SLC19A1: variants seen among roughly 807,000 people sequenced by gnomAD.
SLC19A1 encodes solute carrier family 19 member 1.
A neutral mutation model predicts 35.3 loss-of-function variants in SLC19A1; 37 were observed. The ratio of observed to expected loss-of-function variants is 1.05; its 90% CI spans 0.81 to 1.38. The LOEUF (loss-of-function observed/expected upper bound fraction) is 1.38. Ranked by LOEUF, SLC19A1 falls within the 40% of genes most tolerant of loss-of-function variation. SLC19A1 has a pLI of 0.00. For synonymous variants in SLC19A1, 460 were observed against 398.5 expected, an observed-to-expected ratio of 1.15 and a Z score of -1.84; for missense variants, 831 against 826.9, an observed-to-expected ratio of 1.00 and a Z score of -0.06.
At chr21:45,555,225 G>GCA (rs1190288934) in intron 1 of SLC19A1, among the ~76,000 whole-genome samples, 2 of 16,132 alleles carry the variant, frequency 1.2e-4, no homozygotes, top group East Asian at 3.3e-3. Flanking sequence ...GGGGGGCGCC[G>GCA]GGGGGCGGCG....
chr21:45,531,311 G>C (rs1378964766), intron 3 of SLC19A1, 78 bp downstream of exon 3: 8 of 1,513,586 alleles, frequency 5.3e-6, no homozygotes, highest in Non-Finnish European at 7.1e-6. Flanking sequence ...GAGCCTCCGG[G>C]GGAAGGATCC....
intron 1 of SLC19A1, among the ~76,000 whole-genome samples, chr21:45,557,898 G>T (rs777698720): frequency 3.9e-5 from 6 of 152,226 alleles, no homozygotes; most frequent in Non-Finnish European, 7.3e-5. Flanking sequence ...GCCCAGTGGC[G>T]TGGGGAGTGA....
Position 45,540,274 on chromosome 21 carries a change from G to A in SLC19A1, c.-50+2094C>T, listed in dbSNP as rs1191753672. On this transcript the variant is annotated intron_variant, in intron 1 of 5. Transcript: ENST00000311124. The surrounding 1 kb of genome is among the most constrained non-coding windows in gnomAD (Gnocchi z 5.5). The stretch of plus-strand genomic sequence containing the variant: ...GTCAGCAGGTTTAGACAGGCGCACC[G>A]ATCCCCAGACAACCAGAGCAACCAG... 2.6e-5 allele frequency among the ~76,000 whole-genome samples: 4 copies of A among 152,134 alleles called. No individual in the cohort carries two copies. The highest frequency in any genetic ancestry group is 2.1e-4 in the South Asian group (1 of 4,828).
intron 4 of SLC19A1, among the ~76,000 whole-genome samples, chr21:45,526,383 A>G (rs28413786): frequency 0.035 from 5,311 of 152,252 alleles, 317 homozygotes; most frequent in African/African-American, 0.12. Context: ...ATACCTGACA[A>G]ACATTTGCAA....
Position 45,530,261 on chromosome 21 carries a change from T to A in SLC19A1, c.1151+509A>T, listed in dbSNP as rs1260491928. 6.6e-6 allele frequency among the ~76,000 whole-genome samples: 1 copy of A among 151,504 alleles called. No individual in the cohort carries two copies. Among genetic ancestry groups the A allele is most frequent in the Non-Finnish European group, 1.5e-5 (1 of 67,908 alleles). On this transcript the variant is annotated intron_variant, in intron 4 of 5. Transcript: ENST00000311124. This position sits in a 1 kb window ranked among gnomAD's most constrained non-coding sequence, Gnocchi z 5.3. ...GTGTGGTGTGTTCATGTGCGATATA[T>A]CCATGTGTGAGTGTGGTGTGTTTGT...
Position 45,531,449 on chromosome 21 carries a change from G to A in SLC19A1, c.889C>T (p.Pro297Ser). The change falls in exon 3 of 6, where the codon CCC becomes TCC. Residue 297 changes from proline (P) to serine (S), a missense_variant. Physicochemically the swap from Pro to Ser is moderately conservative, Grantham distance 74. Transcript: ENST00000311124. The part of the protein sequence containing the change: ...YVHILWNEVD[P>S]TTNSARVYNG... Reference sequence around the variant, plus strand: ...TAGACCCGCGCACTGTTGGTGGTGGGGTCCACCTCGTTCCACAGGATGTGC... The same window carrying A: ...TAGACCCGCGCACTGTTGGTGGTGGAGTCCACCTCGTTCCACAGGATGTGC... 6.2e-7 allele frequency: 1 copy of A among 1,611,904 alleles called. No individual in the cohort carries two copies. The highest frequency in any genetic ancestry group is 8.5e-7 in the Non-Finnish European group (1 of 1,179,260).
chr21:45,536,279 T>C (rs2078109788), intron 2 of SLC19A1: 1 of 153,832 alleles, frequency 6.5e-6, no homozygotes, highest in African/African-American at 2.4e-5. Flanking sequence ...ATTTTTGCTC[T>C]AGAGACTTTT....
Position 45,514,821 on chromosome 21 carries a change from G to A in SLC19A1, c.*837C>T. ...CGCTCCTTAGACCCTGAGGCCGCTGGGACGTACTTCCCCAGCGCCCACCAC... is the reference window on the plus strand; with the variant it reads ...CGCTCCTTAGACCCTGAGGCCGCTGAGACGTACTTCCCCAGCGCCCACCAC... On this transcript the variant is annotated 3_prime_UTR_variant, in exon 6 of 6. Transcript: ENST00000311124. 1.8e-6 allele frequency: 1 copy of A among 563,460 alleles called. No homozygotes were observed. The highest frequency in any genetic ancestry group is 3.0e-6 in the Non-Finnish European group (1 of 329,094). The allele number at this position is 563,460 out of a possible 1,614,324, so 34.9% of individuals were successfully genotyped here.
rs565937313 is a variant in SLC19A1, at chr21:45,534,491, C to T, written c.190-2343G>A. The T allele has an allele frequency of 2.1e-5, 30 of 1,401,338 alleles. No homozygotes were observed. Among genetic ancestry groups the T allele is most frequent in the Admixed American group, 3.9e-5 (2 of 50,768 alleles). 86.8% of individuals were successfully genotyped at this position (1,401,338 alleles called of 1,614,324 possible). On this transcript the variant is annotated intron_variant, in intron 2 of 5. Coordinates refer to ENST00000311124, the MANE Select transcript of SLC19A1 (RefSeq NM_194255.4). This position sits in a 1 kb window ranked among gnomAD's most constrained non-coding sequence, Gnocchi z 4.2. ...GCAGAGAGGCTCTCCCCAGACCCCACGGCTCTCTGGAAAAGGGCGGCCAGG... is the reference window on the plus strand; with the variant it reads ...GCAGAGAGGCTCTCCCCAGACCCCATGGCTCTCTGGAAAAGGGCGGCCAGG...
intron 1 of SLC19A1, among the ~76,000 whole-genome samples, chr21:45,559,555 C>T (rs1480440341): frequency 6.6e-6 from 1 of 152,104 alleles, no homozygotes; most frequent in South Asian, 2.1e-4. Flanking sequence ...TATTGAGGCC[C>T]CTGCAGGTAC....
chr21:45,530,070 TGTG>T lies in SLC19A1; in HGVS notation c.1151+697_1151+699del, dbSNP rs1351441480. Reference sequence around the variant, plus strand: ...TGTAGTGGGTGTCCATCTGTGAGCATGTGGTGTGTGTTCGTGTGTGGTGTGTCT... The same window carrying T: ...TGTAGTGGGTGTCCATCTGTGAGCATGTGTGTGTTCGTGTGTGGTGTGTCT... On this transcript the variant is annotated intron_variant, in intron 4 of 5. Coordinates refer to ENST00000311124, the MANE Select transcript of SLC19A1 (RefSeq NM_194255.4). The surrounding 1 kb of genome is among the most constrained non-coding windows in gnomAD (Gnocchi z 5.3). Among the ~76,000 whole-genome samples, 16 of 147,660 alleles carry T rather than the reference TGTG, an allele frequency of 1.1e-4. No homozygotes were observed. Among genetic ancestry groups the T allele is most frequent in the African/African-American group, 3.8e-4 (15 of 39,690 alleles).
At chr21:45,505,466 C>T (rs1197460121) in intron 3 of SLC19A1, 4 of 1,154,708 alleles carry the variant, frequency 3.5e-6, no homozygotes, top group Non-Finnish European at 3.8e-6. Flanking sequence ...GCACCTGCGT[C>T]CCGTGCCCTG....
chr21:45,558,128 G>A (rs555339250), intron 1 of SLC19A1, among the ~76,000 whole-genome samples: 26 of 152,378 alleles, frequency 1.7e-4, no homozygotes, highest in Admixed American at 6.5e-4. Context: ...CCGTGCTGAC[G>A]AGAGACTGGA....
At chr21:45,543,387 G>A (rs1443570038), upstream of SLC19A1, among the ~76,000 whole-genome samples, 7 of 152,230 alleles carry the variant, frequency 4.6e-5, no homozygotes, top group African/African-American at 7.2e-5. Context: ...GAAGTCCACT[G>A]CACAGAACAG....
rs990620249 is a variant in SLC19A1, at chr21:45,534,388, G to A, written c.190-2240C>T. ...CCGACCCCCAGACACAGGAGGCTGC[G>A]TGGGGGCATGACAGCCCCAGCCCCT... On this transcript the variant is annotated intron_variant, in intron 2 of 5. Coordinates refer to ENST00000311124, the MANE Select transcript of SLC19A1 (RefSeq NM_194255.4). This position sits in a 1 kb window ranked among gnomAD's most constrained non-coding sequence, Gnocchi z 4.2. 22 of 642,640 alleles carry A rather than the reference G, an allele frequency of 3.4e-5. No individual in the cohort carries two copies. The highest frequency in any genetic ancestry group is 1.8e-4 in the African/African-American group (10 of 54,468). The allele number at this position is 642,640 out of a possible 1,614,324, so 39.8% of individuals were successfully genotyped here. A position where few individuals can be genotyped will look rare whatever the true frequency, so the allele number is the denominator to read the frequency against.
downstream of SLC19A1, among the ~76,000 whole-genome samples, chr21:45,510,551 G>A (rs1211702390): frequency 6.6e-6 from 1 of 151,966 alleles, no homozygotes; most frequent in Non-Finnish European, 1.5e-5. Context: ...AGGGTCCCAT[G>A]CTGCTGGACC....
intron 1 of SLC19A1, among the ~76,000 whole-genome samples, chr21:45,556,903 A>C (rs2078568213): frequency 6.6e-6 from 1 of 150,900 alleles, no homozygotes; most frequent in Non-Finnish European, 1.5e-5. Flanking sequence ...GGCGACTCAG[A>C]TGCATGTGTC....
intron 3 of SLC19A1, among the ~76,000 whole-genome samples, chr21:45,503,149 G>A (rs558781420): frequency 6.6e-6 from 1 of 152,310 alleles, no homozygotes; most frequent in South Asian, 2.1e-4. Flanking sequence ...TCGCCACACT[G>A]ACTTCCACAA....
downstream of SLC19A1, among the ~76,000 whole-genome samples, chr21:45,509,183 C>T (rs2037424440): frequency 6.6e-6 from 1 of 152,036 alleles, no homozygotes; most frequent in Non-Finnish European, 1.5e-5. Context: ...AGGCAGGACT[C>T]CCCACCCTTG....
Sources: allele counts gnomAD v4.1 joint callset (sites outside exome capture counted in the v4.1 genomes callset), GRCh38; gene constraint gnomAD v4.1.1; non-coding constraint Gnocchi (gnomAD v3.1); transcripts MANE v1.5; gene names NCBI Gene and HGNC (gene_info 2026-07-23, HGNC 2026-07-21).